The following GABRG3 variants were observed in gnomAD, a reference collection of about 807,000 sequenced individuals.
GABRG3 encodes the protein gamma-aminobutyric acid receptor subunit gamma-3.
GABRG3 carries 25 observed loss-of-function variants against 48.8 expected under a neutral mutation model. The observed-to-expected ratio is 0.51, with a 90% confidence interval of 0.37 to 0.72. The LOEUF (loss-of-function observed/expected upper bound fraction) is 0.72, where lower values mean the gene tolerates loss of function less well. GABRG3 is among the 30% of genes least tolerant of loss of function. The pLI, the probability that GABRG3 is intolerant of heterozygous loss-of-function variation, is 0.00. For synonymous variants in GABRG3, 227 were observed against 217.6 expected (o/e 1.04, Z -0.38); for missense variants, 394 against 577.9 (o/e 0.68, Z 3.26).
chr15:27,128,015 C>T (rs945564567), intron 3 of GABRG3, among the ~76,000 whole-genome samples: 18 of 152,180 alleles, frequency 1.2e-4, no homozygotes, highest in African/African-American at 2.2e-4. Flanking sequence ...GTATGGAAGG[C>T]GATAAAATGG....
chr15:27,532,275 A>C (rs940757161), intron 9 of GABRG3, among the ~76,000 whole-genome samples: 7 of 152,160 alleles, frequency 4.6e-5, no homozygotes, highest in African/African-American at 1.7e-4. Flanking sequence ...TCCTTGCATT[A>C]GAATTGCAAG....
rs1897247192 is a variant in GABRG3 at position 27,094,925 on chromosome 15, A to G, written c.270+68104A>G. Among the ~76,000 whole-genome samples the G allele has an allele frequency of 2.6e-5, 4 of 152,322 alleles. No homozygotes were observed. In the South Asian group the frequency reaches 8.3e-4, roughly 32 times the overall value. ...AAACATACACACAATTTACACTGAGAATAGCATTTTCTAGCCTGTTTTATA... is the reference window on the plus strand; with the variant it reads ...AAACATACACACAATTTACACTGAGGATAGCATTTTCTAGCCTGTTTTATA... On this transcript the variant is annotated intron_variant, in intron 3 of 9. Transcript: ENST00000615808.
At chr15:27,258,376 G>A (rs1321771855) in intron 3 of GABRG3, among the ~76,000 whole-genome samples, 4 of 152,004 alleles carry the variant, frequency 2.6e-5, no homozygotes, top group East Asian at 3.9e-4. Flanking sequence ...CACCTTGTTC[G>A]CAGCCTGAGA....
intron 3 of GABRG3, among the ~76,000 whole-genome samples, chr15:27,092,173 C>T (rs1897197665): frequency 6.6e-6 from 1 of 152,106 alleles, no homozygotes; most frequent in East Asian, 1.9e-4. Context: ...TCCCATTCAC[C>T]CCGGGCTTCT....
Position 27,290,324 on chromosome 15 carries a change from G to A in GABRG3, c.271-36485G>A, listed in dbSNP as rs1038411892. ...GATTTATGTAGGTATTTCCTGCTAC[G>A]AGATAGAGCTTAACTGCCCCATCCA... On this transcript the variant is annotated intron_variant, in intron 3 of 9. Transcript: ENST00000615808. Among the ~76,000 whole-genome samples, 8 of 151,804 alleles carry A rather than the reference G, an allele frequency of 5.3e-5. No homozygotes were observed. The South Asian group carries it at 1.5e-3, about 28-fold the overall frequency.
chr15:27,369,380 T>C (rs965405915), intron 5 of GABRG3, among the ~76,000 whole-genome samples: 2 of 152,160 alleles, frequency 1.3e-5, no homozygotes, highest in African/African-American at 4.8e-5. Flanking sequence ...AAAGCTCTGT[T>C]AGGAATGATG....
chr15:27,058,233 A>G (rs1435198537), intron 3 of GABRG3, among the ~76,000 whole-genome samples: 2 of 152,248 alleles, frequency 1.3e-5, no homozygotes, highest in Non-Finnish European at 2.9e-5. Context: ...GATTTCTCCA[A>G]GGAAGTCCAG....
intron 3 of GABRG3, among the ~76,000 whole-genome samples, chr15:27,291,553 G>C (rs932271570): frequency 1.3e-5 from 2 of 152,120 alleles, no homozygotes; most frequent in Non-Finnish European, 2.9e-5. Context: ...TAAAACAGTA[G>C]TTTCTATTTA....
intron 6 of GABRG3, among the ~76,000 whole-genome samples, chr15:27,511,439 G>A (rs1382061): frequency 0.6 from 91,322 of 152,098 alleles, 28,210 homozygotes; most frequent in African/African-American, 0.73. Context: ...TAATACATGA[G>A]TTACAAAAGA....
chr15:26,998,063 G>A (rs1253314675), intron 2 of GABRG3, among the ~76,000 whole-genome samples: 2 of 152,154 alleles, frequency 1.3e-5, no homozygotes, highest in Admixed American at 6.5e-5. Context: ...TTCTCCAATT[G>A]CTCCTGGGTG....
intron 3 of GABRG3, among the ~76,000 whole-genome samples, chr15:27,298,771 T>A (rs529439465): frequency 1.3e-5 from 2 of 152,174 alleles, no homozygotes; most frequent in Non-Finnish European, 2.9e-5. Context: ...TGTGCCATGG[T>A]GGTTTGCTGC....
chr15:26,976,770 G>C lies in GABRG3; in HGVS notation c.54-232G>C, dbSNP rs1202425539. On this transcript the variant is annotated intron_variant, in intron 1 of 9. Transcript: ENST00000615808. The surrounding 1 kb of genome is among the most constrained non-coding windows in gnomAD (Gnocchi z 7.8). Reference sequence around the variant, plus strand: ...AACTGGGATGGGGGATGGTCTTCTGGCATTTAATAAAAACATACCATGTTA... The same window carrying C: ...AACTGGGATGGGGGATGGTCTTCTGCCATTTAATAAAAACATACCATGTTA... Among the ~76,000 whole-genome samples, 1 of 152,050 alleles carries C rather than the reference G, an allele frequency of 6.6e-6. No homozygotes were observed.
intron 3 of GABRG3, among the ~76,000 whole-genome samples, chr15:27,046,063 T>C (rs1293622464): frequency 6.6e-6 from 1 of 152,198 alleles, no homozygotes; most frequent in Non-Finnish European, 1.5e-5. Flanking sequence ...AGGGATGCCC[T>C]TGAATCCTTA....
intron 3 of GABRG3, among the ~76,000 whole-genome samples, chr15:27,028,218 G>C (rs1259556925): frequency 6.6e-6 from 1 of 152,190 alleles, no homozygotes; most frequent in Non-Finnish European, 1.5e-5. Context: ...GACTTCTCCA[G>C]TGAGGTCCTC....
intron 3 of GABRG3, among the ~76,000 whole-genome samples, chr15:27,271,180 A>G (rs995088485): frequency 6.6e-6 from 1 of 152,170 alleles, no homozygotes; most frequent in African/African-American, 2.4e-5. Context: ...AACAAGGAGT[A>G]CCCGAGAGGA....
At chr15:27,345,057 A>G (rs543149729) in intron 5 of GABRG3, among the ~76,000 whole-genome samples, 4 of 152,266 alleles carry the variant, frequency 2.6e-5, no homozygotes, top group East Asian at 1.9e-4. Flanking sequence ...ATATTTCTCT[A>G]TCCCTTTCAT....
intron 3 of GABRG3, among the ~76,000 whole-genome samples, chr15:27,149,262 A>G (rs1299043923): frequency 1.3e-5 from 2 of 151,376 alleles, no homozygotes; most frequent in Non-Finnish European, 3.0e-5. Flanking sequence ...AAATGTTAAA[A>G]TATTCAGGAA....
intron 3 of GABRG3, among the ~76,000 whole-genome samples, chr15:27,306,470 C>T (rs1410718149): frequency 7.3e-6 from 1 of 137,742 alleles, no homozygotes; most frequent in East Asian, 2.2e-4. Context: ...ATAAACATGT[C>T]TATATATAAA....
rs143098552 is a variant in GABRG3, at chr15:27,450,231, G to A, written c.575-30419G>A. Among the ~76,000 whole-genome samples the A allele has an allele frequency of 2.1e-3, 320 of 152,188 alleles. 6 individuals carry two copies. Among genetic ancestry groups the A allele is most frequent in the Admixed American group, 0.016 (246 of 15,284 alleles). ...TCATTTTTTTCGTGTTTAATCTACC[G>A]CATATGTTGCTTCAAAATATGAAAA... On this transcript the variant is annotated intron_variant, in intron 5 of 9. Transcript: ENST00000615808.
Sources: allele counts gnomAD v4.1 joint callset (sites outside exome capture counted in the v4.1 genomes callset), GRCh38; gene constraint gnomAD v4.1.1; non-coding constraint Gnocchi (gnomAD v3.1); transcripts MANE v1.5; gene names NCBI Gene and HGNC (gene_info 2026-07-23, HGNC 2026-07-21).